PCDH9: variants seen among roughly 807,000 people sequenced by gnomAD.
The protein encoded by PCDH9 is protocadherin 9.
Under a neutral mutation model 70.6 loss-of-function variants are expected in PCDH9, and 24 were observed. That is an observed-to-expected ratio of 0.34 (90% CI 0.25 to 0.48). PCDH9 has a LOEUF of 0.48. PCDH9 is among the 20% of genes least tolerant of loss of function. PCDH9 has a pLI of 0.99. For synonymous variants in PCDH9, 562 were observed against 558.5 expected (o/e 1.01, Z -0.09); for missense variants, 1,281 against 1,503.6 (o/e 0.85, Z 2.45).
intron 2 of PCDH9, among the ~76,000 whole-genome samples, chr13:67,184,473 A>G (rs2088697170): frequency 6.6e-6 from 1 of 152,160 alleles, no homozygotes; most frequent in East Asian, 1.9e-4. Context: ...TCATGCTTGT[A>G]ATCACAGAAC....
At chr13:66,551,198 G>A (rs1961471099) in intron 4 of PCDH9, among the ~76,000 whole-genome samples, 1 of 152,018 alleles carries the variant, frequency 6.6e-6, no homozygotes, top group Non-Finnish European at 1.5e-5. Flanking sequence ...TCCCTAAAAC[G>A]ACCTTGGAAC....
At chr13:67,215,110 T>TTTG (rs2089571593) in intron 2 of PCDH9, 1 of 151,292 alleles carries the variant, frequency 6.6e-6, no homozygotes, top group African/African-American at 2.4e-5. Flanking sequence ...CAAGTCAGTT[T>TTTG]TTGTTACTCC....
chr13:66,681,503 C>T (rs1000146316), intron 3 of PCDH9, among the ~76,000 whole-genome samples: 1 of 152,028 alleles, frequency 6.6e-6, no homozygotes, highest in Non-Finnish European at 1.5e-5. Flanking sequence ...CTTATGCAGC[C>T]TCCATCTGTA....
At chr13:66,332,440 A>G (rs1375241993) in intron 4 of PCDH9, among the ~76,000 whole-genome samples, 1 of 152,136 alleles carries the variant, frequency 6.6e-6, no homozygotes, top group Non-Finnish European at 1.5e-5. Flanking sequence ...AATGGAGCTC[A>G]CCAGTTTTTC....
chr13:66,524,123 T>C (rs1440000738), intron 4 of PCDH9, among the ~76,000 whole-genome samples: 5 of 150,668 alleles, frequency 3.3e-5, no homozygotes, highest in Non-Finnish European at 5.9e-5. Flanking sequence ...TTTGCCACGA[T>C]TAGCTTTCAT....
At chr13:66,852,693 A>AC (rs1400244950) in intron 3 of PCDH9, among the ~76,000 whole-genome samples, 1 of 152,166 alleles carries the variant, frequency 6.6e-6, no homozygotes, top group African/African-American at 2.4e-5. Flanking sequence ...ACTTTGGCAT[A>AC]TTTGTAAGTA....
At chr13:66,985,447 C>T (rs917721865) in intron 2 of PCDH9, 34 of 152,022 alleles carry the variant, frequency 2.2e-4, no homozygotes, top group African/African-American at 7.0e-4. Context: ...TAGTATAGTA[C>T]ATTGTATATA....
chr13:66,435,454 T>C (rs1957850824), intron 4 of PCDH9, among the ~76,000 whole-genome samples: 3 of 152,152 alleles, frequency 2.0e-5, no homozygotes, highest in Non-Finnish European at 4.4e-5. Flanking sequence ...AACATTTGCA[T>C]TGGTAGCACA....
At chr13:66,347,828 G>A (rs1956235018) in intron 4 of PCDH9, among the ~76,000 whole-genome samples, 2 of 152,100 alleles carry the variant, frequency 1.3e-5, no homozygotes, top group African/African-American at 2.4e-5. Flanking sequence ...CCTGAGCTGC[G>A]AGCTATTGCT....
intron 3 of PCDH9, among the ~76,000 whole-genome samples, chr13:66,866,400 G>T (rs1356035257): frequency 1.3e-5 from 2 of 151,666 alleles, no homozygotes; most frequent in Non-Finnish European, 2.9e-5. Flanking sequence ...GAGAATGGCG[G>T]GAACCCGGGA....
chr13:66,738,763 G>A (rs1317580638), intron 3 of PCDH9, among the ~76,000 whole-genome samples: 1 of 152,022 alleles, frequency 6.6e-6, no homozygotes, highest in East Asian at 1.9e-4. Context: ...CGAAATGAAT[G>A]AAATGAAGCG....
chr13:66,872,423 C>T (rs1311433839), intron 3 of PCDH9, among the ~76,000 whole-genome samples: 2 of 151,842 alleles, frequency 1.3e-5, no homozygotes, highest in Admixed American at 6.6e-5. Context: ...GTGCTCATGT[C>T]TTCAGCACAC....
intron 4 of PCDH9, 110 bp from the exon 5 acceptor site, chr13:66,305,138 T>G (rs770403716): frequency 2.0e-6 from 2 of 999,502 alleles, no homozygotes; most frequent in Non-Finnish European, 2.8e-6. Context: ...TTCATAAAAG[T>G]GTATCAAGTC....
At chr13:67,168,257 C>T (rs1442276177) in intron 2 of PCDH9, among the ~76,000 whole-genome samples, 1 of 152,158 alleles carries the variant, frequency 6.6e-6, no homozygotes, top group East Asian at 1.9e-4. Flanking sequence ...AATCCCTCTG[C>T]TAAGCCTCAG....
intron 4 of PCDH9, among the ~76,000 whole-genome samples, chr13:66,487,476 T>C (rs951545207): frequency 3.3e-5 from 5 of 152,192 alleles, no homozygotes; most frequent in African/African-American, 9.7e-5. Context: ...AGTAATTGTT[T>C]CTATAAATTT....
chr13:66,350,632 C>G (rs1956279403), intron 4 of PCDH9, among the ~76,000 whole-genome samples: 1 of 152,138 alleles, frequency 6.6e-6, no homozygotes, highest in African/African-American at 2.4e-5. Context: ...ATATGACTAC[C>G]CTTTATTCTG....
chr13:67,227,470 G>C lies in PCDH9; in HGVS notation c.971C>G (p.Ala324Gly). ...AGCCAGCACTGTCACTTTGTGAATG[G>C]CTGTCTCCTCTCTATCTAAGGACCT... is the stretch of plus-strand genomic sequence containing the variant. ...VQRSLDREETAIHKVTVLASD... is the reference protein window; with the variant it reads ...VQRSLDREETGIHKVTVLASD... The change falls in exon 2 of 5, where the codon GCC (alanine) becomes GGC (glycine). Residue 324 changes from alanine (A) to glycine (G), a missense_variant. Ala to Gly is a moderately conservative substitution (Grantham distance 60). Around this residue, in one of 4 missense-constraint regions of PCDH9, gnomAD observed 798 missense variants for 1,003.1 expected, o/e 0.80. Transcript: ENST00000377865. This position sits in a 1 kb window ranked among gnomAD's most constrained non-coding sequence, Gnocchi z 4.6. The C allele has an allele frequency of 6.2e-7, 1 of 1,613,678 alleles. No individual in the cohort carries two copies. The highest frequency in any genetic ancestry group is 1.1e-5 in the South Asian group (1 of 91,028).
intron 4 of PCDH9, among the ~76,000 whole-genome samples, chr13:66,583,570 C>T (rs887114068): frequency 6.6e-6 from 1 of 151,538 alleles, no homozygotes; most frequent in African/African-American, 2.4e-5. Flanking sequence ...GCTGAGATCC[C>T]GCCACTGTAC....
At chr13:66,399,921 C>T (rs185487150) in intron 4 of PCDH9, among the ~76,000 whole-genome samples, 6 of 152,008 alleles carry the variant, frequency 3.9e-5, no homozygotes, top group African/African-American at 1.4e-4. Context: ...GAATCAGACC[C>T]TGGGTTACAA....
Sources: allele counts gnomAD v4.1 joint callset (sites outside exome capture counted in the v4.1 genomes callset), GRCh38; gene constraint gnomAD v4.1.1; regional missense constraint gnomAD v4.1.1; non-coding constraint Gnocchi (gnomAD v3.1); transcripts MANE v1.5; gene names NCBI Gene and HGNC (gene_info 2026-07-23, HGNC 2026-07-21).